CUL7: variants seen among roughly 807,000 people sequenced by gnomAD.
The protein encoded by CUL7 is cullin 7, also known as cullin-7.
A neutral mutation model predicts 177.7 loss-of-function variants in CUL7; 96 were observed. That is an observed-to-expected ratio of 0.54 (90% CI 0.46 to 0.64). CUL7 has a LOEUF of 0.64. CUL7 is among the 30% of genes least tolerant of loss of function. The pLI, the probability that CUL7 is intolerant of heterozygous loss-of-function variation, is 0.00. For missense variants in CUL7, 1,893 were observed against 2,187.9 expected (o/e 0.87, Z 2.69); for synonymous variants, 824 against 890.2 (o/e 0.93, Z 1.32).
At position 43,052,031 on chromosome 6, in the gene CUL7, G is replaced by T; in HGVS notation, c.580+178C>A. On this transcript the variant is annotated intron_variant, in intron 2 of 25. Coordinates refer to ENST00000265348, the MANE Select transcript of CUL7 (RefSeq NM_014780.5). This position sits in a 1 kb window ranked among gnomAD's most constrained non-coding sequence, Gnocchi z 4.5. Reference sequence around the variant, plus strand: ...CTTGAAGATAGTCTTTCCTCTTTTGGCAGATAACCCCCACCCTCACTCCCA... The same window carrying T: ...CTTGAAGATAGTCTTTCCTCTTTTGTCAGATAACCCCCACCCTCACTCCCA... The T allele has an allele frequency of 8.5e-7, 1 of 1,178,806 alleles. No individual in the cohort carries two copies. The highest frequency in any genetic ancestry group is 1.2e-6 in the Non-Finnish European group (1 of 849,656). The allele number at this position is 1,178,806 out of a possible 1,614,324, so 73.0% of individuals were successfully genotyped here.
In CUL7 at chr6:43,043,134, GC is replaced by G. The variant is rs755483473; in HGVS notation, c.3401del (p.Gly1134AlafsTer7). 1 of 1,613,920 alleles carries G rather than the reference GC, an allele frequency of 6.2e-7. No individual in the cohort carries two copies. The highest frequency in any genetic ancestry group is 8.5e-7 in the Non-Finnish European group (1 of 1,180,020). On this transcript the variant is annotated frameshift_variant, in exon 18 of 26. Transcript: ENST00000265348. LOFTEE classifies it high-confidence loss of function. This position sits in a 1 kb window ranked among gnomAD's most constrained non-coding sequence, Gnocchi z 4.2. ...SHDWSSLATR[G>X]LPSSIMRNLT... Reference sequence around the variant, plus strand: ...GGTTTCTCATGATGCTGCTTGGAAGGCCCCGGGTAGCCAAGGAGCTCCAGTC... The same window carrying G: ...GGTTTCTCATGATGCTGCTTGGAAGGCCCGGGTAGCCAAGGAGCTCCAGTC...
Position 43,037,705 on chromosome 6 carries a change from A to C in CUL7, c.5080T>G (p.Phe1694Val), listed in dbSNP as rs150979209. The C allele has an allele frequency of 6.9e-5, 107 of 1,557,396 alleles. No homozygotes were observed. The African/African-American group carries it at 1.3e-3, about 20-fold the overall frequency. Reference protein sequence around the residue: ...PYASCTATQSFSTFR With the variant: ...PYASCTATQSVSTFR ...GTCTAGGGCTACCGGAAGGTAGAGA[A>C]GCTCTGGGTGGCAGTGCAGGAGGCA... The change falls in exon 26 of 26, where the codon TTC becomes GTC. Residue 1694 changes from phenylalanine (F) to valine (V), a missense_variant. Phe to Val is a conservative substitution (Grantham distance 50). Around this residue, in one of 5 missense-constraint regions of CUL7, gnomAD observed 248 missense variants for 262.5 expected, o/e 0.94. Transcript: ENST00000265348.
In CUL7 at chr6:43,037,854, A is replaced by G. The variant is rs779751448; in HGVS notation, c.4931T>C (p.Leu1644Pro). Reference protein sequence around the residue: ...LRRHDDRPQVLSYAVPVTVME... With the variant: ...LRRHDDRPQVPSYAVPVTVME... Reference sequence around the variant, plus strand: ...GACAGTCACAGGGACTGCATAGGACAGCACCTGGGGCCGGTCGTCATGGCG... The same window carrying G: ...GACAGTCACAGGGACTGCATAGGACGGCACCTGGGGCCGGTCGTCATGGCG... Residue 1644 changes from leucine (L) to proline (P), a missense_variant, in exon 26 of 26, where the codon CTG becomes CCG. Leu to Pro is a moderately conservative substitution (Grantham distance 98). Transcript: ENST00000265348. 2 of 1,613,560 alleles carry G rather than the reference A, an allele frequency of 1.2e-6. No individual in the cohort carries two copies. The highest frequency in any genetic ancestry group is 8.5e-7 in the Non-Finnish European group (1 of 1,179,718).
intron 19 of CUL7, among the ~76,000 whole-genome samples, chr6:43,042,337 GT>G (rs990850609): frequency 6.6e-6 from 1 of 151,514 alleles, no homozygotes; most frequent in Non-Finnish European, 1.5e-5. Context: ...GGGTTTTTTT[GT>G]TTTTTTCTTT....
At position 43,050,837 on chromosome 6, in the gene CUL7, T is replaced by G; in HGVS notation, c.1233+131A>C. The G allele has an allele frequency of 3.3e-6, 4 of 1,226,324 alleles. No individual in the cohort carries two copies. The South Asian group carries it at 4.0e-5, about 12-fold the overall frequency. The allele number at this position is 1,226,324 out of a possible 1,614,324, so 76.0% of individuals were successfully genotyped here. ...TGGCCCCCCTCTCAACTACTGACTC[T>G]TTTCACCATTCCAATCTTACCTAAA... is the stretch of plus-strand genomic sequence containing the variant. On this transcript the variant is annotated intron_variant, in intron 4 of 25. Coordinates refer to ENST00000265348, the MANE Select transcript of CUL7 (RefSeq NM_014780.5). This position sits in a 1 kb window ranked among gnomAD's most constrained non-coding sequence, Gnocchi z 4.1.
Position 43,050,546 on chromosome 6 carries a change from GAATACACACA to G in CUL7, c.1234-158_1234-149del, listed in dbSNP as rs1271275963. The G allele has an allele frequency of 1.1e-5, 6 of 567,174 alleles. No homozygotes were observed. Among genetic ancestry groups the G allele is most frequent in the Middle Eastern group, 4.6e-4 (1 of 2,180 alleles). The allele number at this position is 567,174 out of a possible 1,614,324, so 35.1% of individuals were successfully genotyped here. ...ACATAACAAAACAGCAGCATATGGA[GAATACACACA>G]CACACACACACACACACACACACAC... On this transcript the variant is annotated intron_variant, in intron 4 of 25. Transcript: ENST00000265348. This position sits in a 1 kb window ranked among gnomAD's most constrained non-coding sequence, Gnocchi z 4.1.
rs1764684327 is a variant in CUL7 at position 43,053,817 on chromosome 6, G to T, written c.-204C>A. The T allele has an allele frequency of 6.5e-7, 1 of 1,532,912 alleles. No individual in the cohort carries two copies. 95.0% of individuals were successfully genotyped at this position (1,532,912 alleles called of 1,614,324 possible). On this transcript the variant is annotated 5_prime_UTR_variant, in exon 1 of 26. Transcript: ENST00000265348. This position sits in a 1 kb window ranked among gnomAD's most constrained non-coding sequence, Gnocchi z 4.1. Reference sequence around the variant, plus strand: ...CAGCCACTGGGGCAGGGTGGGGCCCGGTCCCTGCCAGCGGCTCCGCCAGCC... The same window carrying T: ...CAGCCACTGGGGCAGGGTGGGGCCCTGTCCCTGCCAGCGGCTCCGCCAGCC...
Position 43,040,650 on chromosome 6 carries a change from G to C in CUL7, c.3903C>G (p.Pro1301=). 6.2e-7 allele frequency: 1 copy of C among 1,614,188 alleles called. No individual in the cohort carries two copies. Among genetic ancestry groups the C allele is most frequent in the South Asian group, 1.1e-5 (1 of 91,074 alleles). Residue 1301 remains proline, a synonymous_variant, in exon 21 of 26, where the codon CCC becomes CCG. Transcript: ENST00000265348. The surrounding 1 kb of genome is among the most constrained non-coding windows in gnomAD (Gnocchi z 4.2). ...QIGPCFPNRL[P]QQMLQSLSTS... is the part of the protein sequence containing the mutation. ...TGCTCAGGCTCTGCAACATCTGCTG[G>C]GGGAGGCGGTTGGGGAAGCAGGGAC...
chr6:43,051,396 C>A lies in CUL7; in HGVS notation c.805G>T (p.Asp269Tyr). 1 of 1,614,110 alleles carries A rather than the reference C, an allele frequency of 6.2e-7. No individual in the cohort carries two copies. Among genetic ancestry groups the A allele is most frequent in the South Asian group, 1.1e-5 (1 of 91,046 alleles). ...HVTSLLDQLN[D>Y]SAAEPGAQNT... ...TGGGCTCCTGGCTCCGCAGCACTGTCGTTCAGCTGATCCAGGAGCGAGGTG... is the reference window on the plus strand; with the variant it reads ...TGGGCTCCTGGCTCCGCAGCACTGTAGTTCAGCTGATCCAGGAGCGAGGTG... Residue 269 changes from aspartate to tyrosine, a missense_variant, in exon 4 of 26, where the codon GAC becomes TAC. Transcript: ENST00000265348. This position sits in a 1 kb window ranked among gnomAD's most constrained non-coding sequence, Gnocchi z 5.0.
chr6:43,042,678 C>T (rs942241536), intron 19 of CUL7, 124 bp downstream of exon 19: 30 of 696,336 alleles, frequency 4.3e-5, no homozygotes, highest in Non-Finnish European at 6.8e-5. Context: ...CTTCTTATAA[C>T]ATGGCTATAT....
rs749927034 is a variant in CUL7 at position 43,047,025 on chromosome 6, G to A, written c.2252C>T (p.Ala751Val). The change falls in exon 10 of 26, where the codon GCA (alanine) becomes GTA (valine). Residue 751 changes from alanine to valine, a missense_variant. Ala to Val is a moderately conservative substitution (Grantham distance 64). Around this residue, in one of 5 missense-constraint regions of CUL7, gnomAD observed 973 missense variants for 1,140.9 expected, o/e 0.85. Coordinates refer to ENST00000265348, the MANE Select transcript of CUL7 (RefSeq NM_014780.5). ...CAGGGCCTTGGAGATAGCGTCTCTT[G>A]CTCCCAGCTGATTCAGCACCACGGC... ...DYAVVLNQLG[A>V]RDAISKALEK... 8 of 1,612,798 alleles carry A rather than the reference G, an allele frequency of 5.0e-6. No homozygotes were observed. Among genetic ancestry groups the A allele is most frequent in the Non-Finnish European group, 6.8e-6 (8 of 1,178,934 alleles).
At position 43,043,009 on chromosome 6, in the gene CUL7, A is replaced by G. The variant is rs970819065; in HGVS notation, c.3463-25T>C. On this transcript the variant is annotated intron_variant, in intron 18 of 25. Coordinates refer to ENST00000265348, the MANE Select transcript of CUL7 (RefSeq NM_014780.5). This position sits in a 1 kb window ranked among gnomAD's most constrained non-coding sequence, Gnocchi z 4.2. ...CCTGGAAGGAAGGGGCAGGAGCATG[A>G]AGACACAACCCAACATGCCACCATT... 1 of 1,613,894 alleles carries G rather than the reference A, an allele frequency of 6.2e-7. No homozygotes were observed. Among genetic ancestry groups the G allele is most frequent in the Non-Finnish European group, 8.5e-7 (1 of 1,179,912 alleles).
At chr6:43,048,648 C>G in intron 7 of CUL7, 79 bp from the exon 8 acceptor site, 1 of 1,002,306 alleles carries the variant, frequency 1.0e-6, no homozygotes, top group Non-Finnish European at 1.5e-6. Context: ...AACTCTCAAT[C>G]TTTTTCTCTA....
chr6:43,041,131 G>A (rs1376214031), intron 19 of CUL7, 56 bp from the exon 20 acceptor site: 1 of 1,580,478 alleles, frequency 6.3e-7, no homozygotes, highest in African/African-American at 1.3e-5. Flanking sequence ...GCAGGTGAGT[G>A]GGGAGGAGGG....
chr6:43,040,440 G>A lies in CUL7; in HGVS notation c.4024-14C>T, dbSNP rs750798764. 4 of 1,612,202 alleles carry A rather than the reference G, an allele frequency of 2.5e-6. No individual in the cohort carries two copies. In the Admixed American group the frequency reaches 6.7e-5, roughly 27 times the overall value. On this transcript the variant is annotated splice_polypyrimidine_tract_variant and intron_variant, in intron 21 of 25. Transcript: ENST00000265348. The surrounding 1 kb of genome is among the most constrained non-coding windows in gnomAD (Gnocchi z 4.2). Reference sequence around the variant, plus strand: ...CCCAAGGCCCACCTGAAGGAGCACAGGGTTCCCAGATGCCATGGCCTCCTC... The same window carrying A: ...CCCAAGGCCCACCTGAAGGAGCACAAGGTTCCCAGATGCCATGGCCTCCTC...
chr6:43,052,155 T>C lies in CUL7; in HGVS notation c.580+54A>G, dbSNP rs760313459. 1 of 1,605,500 alleles carries C rather than the reference T, an allele frequency of 6.2e-7. No individual in the cohort carries two copies. The highest frequency in any genetic ancestry group is 8.5e-7 in the Non-Finnish European group (1 of 1,175,814). ...CCTGCCACAGTGTCCTGTGAGTCCCTGAGCCGACCCAGCCCTTCTCCTGCT... is the reference window on the plus strand; with the variant it reads ...CCTGCCACAGTGTCCTGTGAGTCCCCGAGCCGACCCAGCCCTTCTCCTGCT... On this transcript the variant is annotated intron_variant, in intron 2 of 25. Transcript: ENST00000265348. The surrounding 1 kb of genome is among the most constrained non-coding windows in gnomAD (Gnocchi z 4.5).
chr6:43,040,927 T>G lies in CUL7; in HGVS notation c.3794A>C (p.Glu1265Ala), dbSNP rs1763361134. The G allele has an allele frequency of 1.9e-6, 3 of 1,613,208 alleles. No homozygotes were observed. Among genetic ancestry groups the G allele is most frequent in the Non-Finnish European group, 2.5e-6 (3 of 1,179,642 alleles). The change falls in exon 20 of 26, where the codon GAG becomes GCG. Residue 1265 changes from glutamate (E) to alanine (A), a missense_variant. By Grantham distance (107) the Glu-to-Ala change is moderately radical. Coordinates refer to ENST00000265348, the MANE Select transcript of CUL7 (RefSeq NM_014780.5). The surrounding 1 kb of genome is among the most constrained non-coding windows in gnomAD (Gnocchi z 4.2). ...FSGLEIATTF[E>A]HYYQHYMADR... is the part of the protein sequence containing the mutation. Reference sequence around the variant, plus strand: ...GGTCCACACTCACTGGTAATAATGCTCAAAAGTGGTGGCTATCTCCAAGCC... The same window carrying G: ...GGTCCACACTCACTGGTAATAATGCGCAAAAGTGGTGGCTATCTCCAAGCC...
rs1186791833 is a variant in CUL7 at position 43,050,501 on chromosome 6, C to G, written c.1234-103G>C. 1 of 1,337,136 alleles carries G rather than the reference C, an allele frequency of 7.5e-7. No homozygotes were observed. The highest frequency in any genetic ancestry group is 1.4e-5 in the African/African-American group (1 of 69,110). 82.8% of individuals were successfully genotyped at this position (1,337,136 alleles called of 1,614,324 possible). A position where few individuals can be genotyped will look rare whatever the true frequency, so the allele number is the denominator to read the frequency against. Reference sequence around the variant, plus strand: ...ATAGCCCTCAGGGTGACCACCTGGCCAGGTTTTAGAAAAACCTCCACATAA... The same window carrying G: ...ATAGCCCTCAGGGTGACCACCTGGCGAGGTTTTAGAAAAACCTCCACATAA... On this transcript the variant is annotated intron_variant, in intron 4 of 25. Coordinates refer to ENST00000265348, the MANE Select transcript of CUL7 (RefSeq NM_014780.5). This position sits in a 1 kb window ranked among gnomAD's most constrained non-coding sequence, Gnocchi z 4.1.
Position 43,050,386 on chromosome 6 carries a change from A to C in CUL7, c.1246T>G (p.Ser416Ala). 1 of 1,613,960 alleles carries C rather than the reference A, an allele frequency of 6.2e-7. No individual in the cohort carries two copies. Among genetic ancestry groups the C allele is most frequent in the South Asian group, 1.1e-5 (1 of 91,070 alleles). The change falls in exon 5 of 26, where the codon TCA (serine) becomes GCA (alanine). Residue 416 changes from serine to alanine, a missense_variant. This residue lies in a region of CUL7 where 653 missense variants were observed against 725.2 expected (regional missense o/e 0.90). Transcript: ENST00000265348. The surrounding 1 kb of genome is among the most constrained non-coding windows in gnomAD (Gnocchi z 4.1). ...TGCACCCAATAGGTGCGGCCTGTTG[A>C]CTCCCAAAATACCTGGAGCATAGGG... ...GVPPVQVFWESTGRTYWVHWH... is the reference protein window; with the variant it reads ...GVPPVQVFWEATGRTYWVHWH...
Sources: gnomAD v4.1 joint callset for allele counts (sites outside exome capture counted in the v4.1 genomes callset) on GRCh38, gnomAD v4.1.1 for gene constraint, gnomAD v4.1.1 regional missense constraint, Gnocchi (gnomAD v3.1) non-coding constraint, MANE v1.5 for transcripts, NCBI Gene and HGNC (gene_info 2026-07-23, HGNC 2026-07-21) for gene names.